AP3S1: variants seen among roughly 807,000 people sequenced by gnomAD.
AP3S1 encodes adaptor related protein complex 3 subunit sigma 1.
AP3S1 carries 12 observed loss-of-function variants against 21.3 expected under a neutral mutation model. The observed-to-expected ratio is 0.56, with a 90% CI of 0.36 to 0.91. The LOEUF is 0.91. Ranked by LOEUF, AP3S1 falls within the 40% of genes least tolerant of loss-of-function variation. The pLI is 0.01. For synonymous variants in AP3S1, 48 were observed against 78.4 expected (o/e 0.61, Z 2.05); for missense variants, 116 against 225.0 (o/e 0.52, Z 3.10).
At chr5:115,889,417 G>T (rs1340949810) in intron 3 of AP3S1, among the ~76,000 whole-genome samples, 2 of 152,124 alleles carry the variant, frequency 1.3e-5, no homozygotes, top group African/African-American at 4.8e-5. Flanking sequence ...AGATAAATTT[G>T]GTCCAAACAT....
chr5:115,895,132 C>A lies in AP3S1; in HGVS notation c.319C>A (p.Leu107Met). ...LDKCFENVCE[L>M]DLIFHVDKVH... ...CAAATGTTTTGAAAATGTCTGTGAG[C>A]TGGATTTGATTTTCCATGTAGACAA... is the stretch of plus-strand genomic sequence containing the variant. Residue 107 changes from leucine to methionine, a missense_variant, in exon 4 of 6, where the codon CTG becomes ATG. Physicochemically the swap from Leu to Met is conservative, Grantham distance 15 (BLOSUM62 2). This residue lies in a region of AP3S1 where 65 missense variants were observed against 148.2 expected (regional missense o/e 0.44). Transcript: ENST00000316788. The A allele has an allele frequency of 6.2e-7, 1 of 1,605,410 alleles. No homozygotes were observed.
chr5:115,899,255 C>T (rs931709636), intron 4 of AP3S1, among the ~76,000 whole-genome samples: 2 of 152,140 alleles, frequency 1.3e-5, no homozygotes, highest in African/African-American at 4.8e-5. Flanking sequence ...ACGAGAGACT[C>T]CTTTTACTTT....
chr5:115,900,685 A>G (rs1751136272), intron 4 of AP3S1, among the ~76,000 whole-genome samples: 1 of 152,084 alleles, frequency 6.6e-6, no homozygotes, highest in South Asian at 2.1e-4. Context: ...TCTCCAAGGA[A>G]CCCTGGCTTC....
chr5:115,864,298 G>A (rs1374606713), intron 1 of AP3S1, among the ~76,000 whole-genome samples: 1 of 152,172 alleles, frequency 6.6e-6, no homozygotes, highest in African/African-American at 2.4e-5. Flanking sequence ...GCTAGTAAGT[G>A]ACTGCCTTTT....
intron 1 of AP3S1, among the ~76,000 whole-genome samples, chr5:115,848,089 T>C (rs567281613): frequency 6.6e-6 from 1 of 152,146 alleles, no homozygotes; most frequent in Admixed American, 6.5e-5. Context: ...AATAGGACAA[T>C]GTTATAGGTC....
intron 3 of AP3S1, among the ~76,000 whole-genome samples, chr5:115,881,805 G>A (rs1561503800): frequency 1.3e-5 from 2 of 152,116 alleles, no homozygotes; most frequent in African/African-American, 4.8e-5. Context: ...TTCCAACTTG[G>A]TTCCATTCTC....
At chr5:115,878,959 A>T (rs990355110) in intron 3 of AP3S1, among the ~76,000 whole-genome samples, 4 of 152,066 alleles carry the variant, frequency 2.6e-5, no homozygotes, top group Non-Finnish European at 5.9e-5. Flanking sequence ...CTTTGTAGCA[A>T]TTGTGAATGG....
chr5:115,844,876 G>A (rs755999103), intron 1 of AP3S1, among the ~76,000 whole-genome samples: 1 of 152,108 alleles, frequency 6.6e-6, no homozygotes, highest in Non-Finnish European at 1.5e-5. Flanking sequence ...ATACTTGAAG[G>A]AACGTATCAG....
chr5:115,845,467 G>A (rs1761985649), intron 1 of AP3S1, among the ~76,000 whole-genome samples: 1 of 152,148 alleles, frequency 6.6e-6, no homozygotes, highest in Admixed American at 6.5e-5. Flanking sequence ...TGTTATATGT[G>A]AGAAATAGGA....
At chr5:115,844,732 A>G (rs7703134) in intron 1 of AP3S1, among the ~76,000 whole-genome samples, 5,094 of 152,278 alleles carry the variant, frequency 0.033, 316 homozygotes, top group African/African-American at 0.11. Context: ...CAGCACAAAC[A>G]TCACCTAAAC....
At chr5:115,872,457 T>C (rs1748352486) in intron 3 of AP3S1, among the ~76,000 whole-genome samples, 1 of 152,082 alleles carries the variant, frequency 6.6e-6, no homozygotes, top group Non-Finnish European at 1.5e-5. Context: ...ATATTCCTGG[T>C]ATATGTTTCT....
intron 1 of AP3S1, among the ~76,000 whole-genome samples, chr5:115,842,886 T>C (rs754821955): frequency 2.0e-4 from 31 of 152,390 alleles, no homozygotes; most frequent in African/African-American, 6.0e-4. Context: ...CTAAAAGTTA[T>C]GATTTCAGCT....
At chr5:115,843,144 A>G (rs888097331) in intron 1 of AP3S1, among the ~76,000 whole-genome samples, 5 of 152,212 alleles carry the variant, frequency 3.3e-5, no homozygotes, top group African/African-American at 7.2e-5. Flanking sequence ...TTGGACTCCC[A>G]GTGGTAGGAT....
At chr5:115,886,703 C>G (rs1390152367) in intron 3 of AP3S1, among the ~76,000 whole-genome samples, 1 of 152,112 alleles carries the variant, frequency 6.6e-6, no homozygotes, top group Non-Finnish European at 1.5e-5. Context: ...CATCCCAACC[C>G]CACTGTTGTT....
intron 1 of AP3S1, among the ~76,000 whole-genome samples, chr5:115,852,278 A>G (rs528184709): frequency 2.8e-4 from 43 of 152,182 alleles, no homozygotes; most frequent in Non-Finnish European, 5.3e-4. Flanking sequence ...AAGAGAAACC[A>G]GAGTATGTGG....
chr5:115,888,673 T>C (rs1490112460), intron 3 of AP3S1, among the ~76,000 whole-genome samples: 1 of 152,066 alleles, frequency 6.6e-6, no homozygotes, highest in Non-Finnish European at 1.5e-5. Flanking sequence ...GTGGACAGCA[T>C]TTTTTTCTTC....
chr5:115,854,734 G>C (rs1228380925), intron 1 of AP3S1, among the ~76,000 whole-genome samples: 3 of 146,414 alleles, frequency 2.0e-5, no homozygotes, highest in Middle Eastern at 3.2e-3. Context: ...ATATTTTCTT[G>C]ATTCTGTGAT....
At chr5:115,873,203 CA>C (rs1748421415) in intron 3 of AP3S1, among the ~76,000 whole-genome samples, 1 of 152,008 alleles carries the variant, frequency 6.6e-6, no homozygotes, top group Admixed American at 6.6e-5. Context: ...GTTCTATCTC[CA>C]AAGGGGATTA....
chr5:115,909,048 G>C (rs1434352899), intron 5 of AP3S1: 2 of 904,536 alleles, frequency 2.2e-6, no homozygotes, highest in African/African-American at 1.8e-5. Flanking sequence ...AATACGTACA[G>C]TTTGTTCCAA....
Sources: allele counts gnomAD v4.1 joint callset (sites outside exome capture counted in the v4.1 genomes callset), GRCh38; gene constraint gnomAD v4.1.1; regional missense constraint gnomAD v4.1.1; transcripts MANE v1.5; gene names NCBI Gene and HGNC (gene_info 2026-07-23, HGNC 2026-07-21).